Variants in ECRG4 observed in about 807,000 individuals in gnomAD.
ECRG4 encodes the protein ECRG4 augurin precursor, also known as augurin.
In ECRG4, 18 loss-of-function variants were observed where a neutral mutation model predicts 15.8. The ratio of observed to expected loss-of-function variants is 1.14; its 90% CI spans 0.79 to 1.69. The LOEUF is 1.69. Ranked by LOEUF, ECRG4 falls within the 40% of genes most tolerant of loss-of-function variation. The probability of loss-of-function intolerance (pLI) is 0.00; values close to 1 mark genes in which losing one functional copy is unlikely to be tolerated. For synonymous variants in ECRG4, 82 were observed against 73.9 expected (o/e 1.11, Z -0.56); for missense variants, 200 against 190.9 (o/e 1.05, Z -0.28).
At chr2:106,063,575 T>C (rs558925886), upstream of ECRG4, among the ~76,000 whole-genome samples, 1 of 152,214 alleles carries the variant, frequency 6.6e-6, no homozygotes, top group South Asian at 2.1e-4. Context: ...CATATCCCGA[T>C]TAAGTGAAGA....
At chr2:106,067,061 G>GGGGC (rs1553411451) in intron 1 of ECRG4, among the ~76,000 whole-genome samples, 5 of 61,326 alleles carry the variant, frequency 8.2e-5, no homozygotes, top group African/African-American at 2.8e-4. Context: ...TGGGAGGCCG[G>GGGGC]GGGGGGGGGG....
chr2:106,065,681 C>A, upstream of ECRG4: 1 of 1,094,990 alleles, frequency 9.1e-7, no homozygotes, highest in East Asian at 3.2e-5. Context: ...CGCGCCTGCC[C>A]GCTCGCACCC....
intron 1 of ECRG4, among the ~76,000 whole-genome samples, chr2:106,071,322 T>TAAAAAAAAAAAAAAAAAAAAAAA (rs10649647): frequency 1.1e-3 from 90 of 78,326 alleles, no homozygotes; most frequent in Non-Finnish European, 1.4e-3. Flanking sequence ...GGTAAGGCTG[T>TAAAAAAAAAAAAAAAAAAAAAAA]AAAAAAAAAA....
At chr2:106,076,583 G>A (rs1676491558) in intron 3 of ECRG4, among the ~76,000 whole-genome samples, 1 of 152,110 alleles carries the variant, frequency 6.6e-6, no homozygotes. Flanking sequence ...TGACCACTGA[G>A]CCCCAGAGAC....
At chr2:106,073,779 CCCT>C in intron 2 of ECRG4, 104 bp from the exon 3 acceptor site, 1 of 1,351,870 alleles carries the variant, frequency 7.4e-7, no homozygotes, top group Non-Finnish European at 1.0e-6. Context: ...AGAGTCAAAA[CCCT>C]CCTACACATG....
chr2:106,065,702 C>G lies in ECRG4; in HGVS notation c.-63C>G. 8 of 1,316,154 alleles carry G rather than the reference C, an allele frequency of 6.1e-6. No homozygotes were observed. The South Asian group carries it at 1.2e-4, about 20-fold the overall frequency. 81.5% of individuals were successfully genotyped at this position (1,316,154 alleles called of 1,614,324 possible). On this transcript the variant is annotated 5_prime_UTR_variant, in exon 1 of 4. Transcript: ENST00000238044. The stretch of plus-strand genomic sequence containing the variant: ...TGCCCGCTCGCACCCCTCTCCCGCG[C>G]CCGGTTCTCCCTCGCAGCACCTCGA...
upstream of ECRG4, among the ~76,000 whole-genome samples, chr2:106,064,125 TAC>T (rs1299318860): frequency 6.6e-6 from 1 of 152,254 alleles, no homozygotes; most frequent in Non-Finnish European, 1.5e-5. Context: ...TCCCCTATTC[TAC>T]AGTTTCCTCA....
Position 106,073,976 on chromosome 2 carries a change from G to A in ECRG4, c.218G>A (p.Trp73Ter), listed in dbSNP as rs1558657774. 1 of 1,614,180 alleles carries A rather than the reference G, an allele frequency of 6.2e-7. No individual in the cohort carries two copies. Among genetic ancestry groups the A allele is most frequent in the South Asian group, 1.1e-5 (1 of 91,076 alleles). Residue 73 changes from tryptophan to a stop codon, truncating the protein, a stop_gained, in exon 3 of 4, where the codon TGG becomes TAG. Transcript: ENST00000238044. LOFTEE classifies it high-confidence loss of function. The stretch of plus-strand genomic sequence containing the variant: ...CTGAAGCGCCAGAAGCGGCAGCTGT[G>A]GGACCGGACTCGGCCCGAGGTGCAG... ...GSLKRQKRQLWDRTRPEVQQW... is the reference protein window; with the variant it reads ...GSLKRQKRQL
chr2:106,066,622 T>G (rs1223194852), intron 1 of ECRG4, among the ~76,000 whole-genome samples: 3 of 152,106 alleles, frequency 2.0e-5, no homozygotes, highest in Admixed American at 2.0e-4. Context: ...AGCTTACAAC[T>G]AGGGGAGGCA....
intron 3 of ECRG4, among the ~76,000 whole-genome samples, chr2:106,075,479 T>A (rs975844156): frequency 5.3e-5 from 8 of 152,336 alleles, no homozygotes; most frequent in Admixed American, 2.6e-4. Context: ...CCCAGCACTT[T>A]GGGAGGCCAA....
intron 1 of ECRG4, among the ~76,000 whole-genome samples, 175 bp downstream of exon 1, chr2:106,066,018 A>T (rs1383512127): frequency 2.6e-5 from 4 of 152,216 alleles, no homozygotes; most frequent in Non-Finnish European, 5.9e-5. Flanking sequence ...TTGCACTCGC[A>T]CAAGTGCGAA....
chr2:106,065,731 G>C lies in ECRG4; in HGVS notation c.-34G>C. On this transcript the variant is annotated 5_prime_UTR_variant, in exon 1 of 4. Coordinates refer to ENST00000238044, the MANE Select transcript of ECRG4 (RefSeq NM_032411.3). ...GTTCTCCCTCGCAGCACCTCGAAGT[G>C]CGCCCCTCGCCCTCCTGCTCGCGCC... 6.9e-7 allele frequency: 1 copy of C among 1,454,688 alleles called. No homozygotes were observed. The highest frequency in any genetic ancestry group is 9.0e-7 in the Non-Finnish European group (1 of 1,105,248). The allele number at this position is 1,454,688 out of a possible 1,614,324, so 90.1% of individuals were successfully genotyped here.
intron 1 of ECRG4, among the ~76,000 whole-genome samples, chr2:106,070,322 G>A (rs901246740): frequency 2.0e-4 from 31 of 152,302 alleles, no homozygotes; most frequent in African/African-American, 7.5e-4. Flanking sequence ...CAGGTTCCCC[G>A]TCCCATCCCA....
At chr2:106,067,838 T>C (rs1404832178) in intron 1 of ECRG4, among the ~76,000 whole-genome samples, 4 of 114,926 alleles carry the variant, frequency 3.5e-5, no homozygotes, top group Non-Finnish European at 7.5e-5. Flanking sequence ...ACCTCCAAAC[T>C]TTTTTTTTTT....
chr2:106,063,249 A>C (rs1406345483), upstream of ECRG4: 3 of 152,194 alleles, frequency 2.0e-5, no homozygotes, highest in African/African-American at 2.4e-5. Context: ...ACACAGCAAG[A>C]AGGTGCCATC....
chr2:106,063,949 G>T (rs185195296), upstream of ECRG4, among the ~76,000 whole-genome samples: 8 of 152,362 alleles, frequency 5.3e-5, no homozygotes, highest in East Asian at 1.5e-3. Flanking sequence ...TAAGGGGGAT[G>T]ATCTCCACAG....
At chr2:106,075,546 A>C (rs2104798970) in intron 3 of ECRG4, among the ~76,000 whole-genome samples, 1 of 152,196 alleles carries the variant, frequency 6.6e-6, no homozygotes, top group East Asian at 1.9e-4. Flanking sequence ...ACAGGGCAAA[A>C]CCCCGTCTCT....
chr2:106,077,852 G>A lies in ECRG4; in HGVS notation c.373G>A (p.Glu125Lys). ...YGDYYQRHYD[E>K]DSAIGPRSPY... ...CGATTACTACCAACGTCACTATGAT[G>A]AAGACTCTGCAATTGGTCCCCGGAG... Residue 125 changes from glutamate to lysine, a missense_variant, in exon 4 of 4, where the codon GAA becomes AAA. By Grantham distance (56) the Glu-to-Lys change is moderately conservative. Coordinates refer to ENST00000238044, the MANE Select transcript of ECRG4 (RefSeq NM_032411.3). The A allele has an allele frequency of 1.2e-6, 2 of 1,614,158 alleles. No homozygotes were observed. The highest frequency in any genetic ancestry group is 2.2e-5 in the South Asian group (2 of 91,088).
chr2:106,071,340 A>T (rs1573361271), intron 1 of ECRG4, among the ~76,000 whole-genome samples: 1 of 144,116 alleles, frequency 6.9e-6, no homozygotes, highest in African/African-American at 2.6e-5. Flanking sequence ...AAAAAAAAAA[A>T]AAAAAAAAAA....
Sources: gnomAD v4.1 joint callset for allele counts (sites outside exome capture counted in the v4.1 genomes callset) on GRCh38, gnomAD v4.1.1 for gene constraint, MANE v1.5 for transcripts, NCBI Gene and HGNC (gene_info 2026-07-23, HGNC 2026-07-21) for gene names.